Variants in SHANK2 observed in about 807,000 individuals in gnomAD.
The protein encoded by SHANK2 is SH3 and multiple ankyrin repeat domains 2.
In SHANK2, 43 loss-of-function variants were observed where a neutral mutation model predicts 133.7. That is an observed-to-expected ratio of 0.32 (90% CI 0.25 to 0.41). The LOEUF (loss-of-function observed/expected upper bound fraction) is 0.41. Ranked by LOEUF, SHANK2 falls within the 10% of genes least tolerant of loss-of-function variation. SHANK2 has a pLI of 1.00. For synonymous variants in SHANK2, 1,017 were observed against 952.8 expected (o/e 1.07, Z -1.24); for missense variants, 1,994 against 2,235.8 (o/e 0.89, Z 2.18).
At chr11:71,140,818 T>C (rs2135380776) in intron 3 of SHANK2, among the ~76,000 whole-genome samples, 1 of 152,360 alleles carries the variant, frequency 6.6e-6, no homozygotes, top group Non-Finnish European at 1.5e-5. Context: ...CCAGGACGAC[T>C]GGGGCCGGGG....
In SHANK2 at chr11:70,807,091, G is replaced by A; in HGVS notation, c.1574C>T (p.Ala525Val). 1.4e-6 allele frequency: 1 copy of A among 717,934 alleles called. No individual in the cohort carries two copies. Among genetic ancestry groups the A allele is most frequent in the Non-Finnish European group, 2.6e-6 (1 of 384,996 alleles). 44.5% of individuals were successfully genotyped at this position (717,934 alleles called of 1,614,324 possible). A position where few individuals can be genotyped will look rare whatever the true frequency, so the allele number is the denominator to read the frequency against. ...AGCGACGAAGAGCCTCCCGGGCACG[G>A]CACTGTAGAGCTTCCGCTTGGGCCC... The part of the protein sequence containing the change: ...YPGPKRKLYS[A>V]VPGRLFVAVK... Residue 525 changes from alanine to valine, a missense_variant, in exon 13 of 26, where the codon GCC (alanine) becomes GTC (valine). By Grantham distance (64) the Ala-to-Val change is moderately conservative (BLOSUM62 0). Coordinates refer to ENST00000601538, the MANE Select transcript of SHANK2 (RefSeq NM_012309.5). This position sits in a 1 kb window ranked among gnomAD's most constrained non-coding sequence, Gnocchi z 4.8.
chr11:71,227,114 G>A (rs1954655547), intron 1 of SHANK2, among the ~76,000 whole-genome samples: 2 of 152,026 alleles, frequency 1.3e-5, no homozygotes, highest in African/African-American at 4.8e-5. Context: ...AAACACTACA[G>A]ATGAATCAAA....
intron 17 of SHANK2, among the ~76,000 whole-genome samples, chr11:70,625,682 G>A (rs1554999684): frequency 1.3e-5 from 2 of 151,884 alleles, no homozygotes; most frequent in Non-Finnish European, 2.9e-5. Context: ...TGTGGGCTCT[G>A]AGCCAGTCCC....
chr11:71,058,001 C>T (rs1250836315), intron 9 of SHANK2, among the ~76,000 whole-genome samples: 2 of 149,146 alleles, frequency 1.3e-5, no homozygotes, highest in Non-Finnish European at 3.0e-5. Flanking sequence ...GCAGCCTCGA[C>T]CTCCCACCTC....
At chr11:70,492,791 T>TA (rs1482383751) in intron 21 of SHANK2, among the ~76,000 whole-genome samples, 1 of 136,620 alleles carries the variant, frequency 7.3e-6, no homozygotes, top group Non-Finnish European at 1.6e-5. Context: ...TTCTGTGTTT[T>TA]TTTTTTTTTT....
chr11:70,661,554 C>A (rs782251921), intron 16 of SHANK2, 42 bp downstream of exon 16: 18 of 1,353,486 alleles, frequency 1.3e-5, no homozygotes, highest in Middle Eastern at 3.8e-4. Flanking sequence ...CACACACACA[C>A]AAACATGGGA....
chr11:70,866,288 G>A (rs1590774788), intron 11 of SHANK2, among the ~76,000 whole-genome samples: 1 of 152,030 alleles, frequency 6.6e-6, no homozygotes, highest in African/African-American at 2.4e-5. Context: ...ACAGCCCATC[G>A]CACCCCGCGG....
chr11:70,947,204 G>T (rs1335592127), intron 10 of SHANK2, among the ~76,000 whole-genome samples: 1 of 147,456 alleles, frequency 6.8e-6, no homozygotes, highest in Non-Finnish European at 1.5e-5. Context: ...ACGTTTCAAG[G>T]TTAGAAAACA....
At chr11:70,875,432 G>A (rs1555071006) in intron 11 of SHANK2, among the ~76,000 whole-genome samples, 3 of 152,234 alleles carry the variant, frequency 2.0e-5, no homozygotes, top group Admixed American at 6.5e-5. Context: ...GGCTGAGGCA[G>A]GAGAAAGGCG....
intron 14 of SHANK2, among the ~76,000 whole-genome samples, chr11:70,769,369 T>A (rs1555042152): frequency 6.6e-6 from 1 of 152,104 alleles, no homozygotes; most frequent in African/African-American, 2.4e-5. Context: ...GCACATAGAC[T>A]CCTTCTAGGA....
At chr11:70,721,572 T>G (rs1329842119) in intron 14 of SHANK2, among the ~76,000 whole-genome samples, 1 of 152,196 alleles carries the variant, frequency 6.6e-6, no homozygotes, top group Non-Finnish European at 1.5e-5. Context: ...GGGCACCACT[T>G]TGTGAGCAGC....
intron 17 of SHANK2, among the ~76,000 whole-genome samples, chr11:70,600,440 A>G (rs1033866497): frequency 2.4e-4 from 36 of 150,808 alleles, no homozygotes; most frequent in Non-Finnish European, 4.1e-4. Flanking sequence ...AAAAAAAAGA[A>G]AAGAAAAAGA....
intron 17 of SHANK2, chr11:70,635,492 C>T (rs1555003649): frequency 6.6e-6 from 1 of 150,954 alleles, no homozygotes; most frequent in African/African-American, 2.4e-5. Flanking sequence ...ATTCCACTGA[C>T]CTGAGGTCCC....
At chr11:70,753,187 C>T (rs782270373) in intron 14 of SHANK2, among the ~76,000 whole-genome samples, 1 of 139,864 alleles carries the variant, frequency 7.1e-6, no homozygotes, top group Admixed American at 7.0e-5. Context: ...AAAAAAAAAA[C>T]AAAAAACAAA....
intron 17 of SHANK2, among the ~76,000 whole-genome samples, chr11:70,621,901 C>T (rs2060834111): frequency 6.6e-6 from 1 of 152,152 alleles, no homozygotes; most frequent in South Asian, 2.1e-4. Context: ...CCAGCCTGCA[C>T]ACCCCCAGGC....
At position 70,868,639 on chromosome 11, in the gene SHANK2, T is replaced by C. The variant is rs548914439; in HGVS notation, c.1174+27862A>G. Among the ~76,000 whole-genome samples, 6 of 152,284 alleles carry C rather than the reference T, an allele frequency of 3.9e-5. No homozygotes were observed. The South Asian group carries it at 1.2e-3, about 32-fold the overall frequency. On this transcript the variant is annotated intron_variant, in intron 11 of 25. Transcript: ENST00000601538. ...ACTGAGCTGGGCCATGTCCACATCT[T>C]ACACAGTCAGCCTCACACCCCACGG...
chr11:70,583,257 T>C (rs994686454), intron 17 of SHANK2, among the ~76,000 whole-genome samples: 3 of 152,114 alleles, frequency 2.0e-5, no homozygotes, highest in Admixed American at 6.5e-5. Context: ...CCCCAACTGA[T>C]GCAAGAGGTG....
intron 14 of SHANK2, among the ~76,000 whole-genome samples, chr11:70,707,239 G>T (rs537279328): frequency 4.6e-5 from 7 of 152,094 alleles, no homozygotes; most frequent in African/African-American, 1.7e-4. Context: ...GGGTGTGGTG[G>T]TAGGCACCTG....
intron 12 of SHANK2, 96 bp downstream of exon 12, chr11:70,820,268 G>T: frequency 1.7e-6 from 1 of 580,252 alleles, no homozygotes. Flanking sequence ...GAATAAAATG[G>T]GCTTCCTGCT....
Sources: gnomAD v4.1 joint callset for allele counts (sites outside exome capture counted in the v4.1 genomes callset) on GRCh38, gnomAD v4.1.1 for gene constraint, Gnocchi (gnomAD v3.1) non-coding constraint, MANE v1.5 for transcripts, NCBI Gene and HGNC (gene_info 2026-07-23, HGNC 2026-07-21) for gene names.